TMEM108: variants seen among roughly 807,000 people sequenced by gnomAD.
TMEM108 encodes the protein cancer/testis antigen 124.
Under a neutral mutation model 35.1 loss-of-function variants are expected in TMEM108, and 12 were observed. The observed-to-expected ratio is 0.34, with a 90% confidence interval of 0.22 to 0.55. TMEM108 has a LOEUF of 0.55. TMEM108 is among the 20% of genes least tolerant of loss of function. The pLI, the probability that TMEM108 is intolerant of heterozygous loss-of-function variation, is 0.89. For synonymous variants in TMEM108, 287 were observed against 308.6 expected (o/e 0.93, Z 0.73); for missense variants, 680 against 753.3 (o/e 0.90, Z 1.14).
chr3:133,295,317 GA>G (rs1947129064), intron 3 of TMEM108, among the ~76,000 whole-genome samples: 1 of 152,100 alleles, frequency 6.6e-6, no homozygotes, highest in African/African-American at 2.4e-5. Context: ...GAGAAGTAAG[GA>G]GAGCAAGGAG....
At chr3:133,358,169 CTT>C (rs11339689) in intron 3 of TMEM108, among the ~76,000 whole-genome samples, 1,675 of 143,004 alleles carry the variant, frequency 0.012, 24 homozygotes, top group African/African-American at 0.034. Flanking sequence ...AGTCTATGGT[CTT>C]TTTTTTTTTT....
chr3:133,177,173 A>C (rs1267262592), intron 2 of TMEM108, among the ~76,000 whole-genome samples: 1 of 152,254 alleles, frequency 6.6e-6, no homozygotes, highest in Admixed American at 6.5e-5. Context: ...GGCAATAATA[A>C]ATAGCTTACC....
At chr3:133,344,885 AG>A (rs1275707143) in intron 3 of TMEM108, among the ~76,000 whole-genome samples, 1 of 151,926 alleles carries the variant, frequency 6.6e-6, no homozygotes, top group African/African-American at 2.4e-5. Flanking sequence ...AAAATTATAT[AG>A]GAAGTCAGAA....
At chr3:133,134,874 C>T (rs888842720) in intron 2 of TMEM108, among the ~76,000 whole-genome samples, 1 of 152,026 alleles carries the variant, frequency 6.6e-6, no homozygotes, top group Non-Finnish European at 1.5e-5. Flanking sequence ...AGTCTTTCTT[C>T]CTCACTCCAA....
At chr3:133,173,665 A>T (rs533140754) in intron 2 of TMEM108, among the ~76,000 whole-genome samples, 1 of 152,326 alleles carries the variant, frequency 6.6e-6, no homozygotes, top group Admixed American at 6.5e-5. Flanking sequence ...AAAGTTAATG[A>T]CCATATAGCT....
chr3:133,094,239 C>CAA (rs775145605), intron 2 of TMEM108, among the ~76,000 whole-genome samples: 24 of 127,836 alleles, frequency 1.9e-4, no homozygotes, highest in Admixed American at 4.1e-4. Flanking sequence ...CCCCACCCCC[C>CAA]CCACACACAC....
At chr3:133,181,008 TAAAAAAAAAA>T (rs369228472) in intron 2 of TMEM108, among the ~76,000 whole-genome samples, 7,267 of 75,942 alleles carry the variant, frequency 0.096, 434 homozygotes, top group Non-Finnish European at 0.13. Context: ...GCAGTTGTGT[TAAAAAAAAAA>T]AAAAAAAAAA....
rs1046769839 is a variant in TMEM108, at chr3:133,396,640, C to T, written c.*654C>T. The T allele has an allele frequency of 6.6e-5, 10 of 152,208 alleles. No individual in the cohort carries two copies. The highest frequency in any genetic ancestry group is 2.2e-4 in the African/African-American group (9 of 41,430). The allele number at this position is 152,208 out of a possible 1,614,324, so 9.4% of individuals were successfully genotyped here. The stretch of plus-strand genomic sequence containing the variant: ...GCATCCCAAGGCCATATTCCCCTAA[C>T]ATTACTTCCACTGCTAACAACAGGA... On this transcript the variant is annotated 3_prime_UTR_variant, in exon 6 of 6. Coordinates refer to ENST00000321871, the MANE Select transcript of TMEM108 (RefSeq NM_023943.4).
At chr3:133,314,794 T>G (rs1019337396) in intron 3 of TMEM108, among the ~76,000 whole-genome samples, 1 of 152,202 alleles carries the variant, frequency 6.6e-6, no homozygotes, top group African/African-American at 2.4e-5. Flanking sequence ...AATGGCCTAG[T>G]CCTTAGAAAT....
At chr3:133,305,585 G>T (rs1204071500) in intron 3 of TMEM108, among the ~76,000 whole-genome samples, 1 of 152,100 alleles carries the variant, frequency 6.6e-6, no homozygotes, top group African/African-American at 2.4e-5. Context: ...GGGTGTACAT[G>T]TTTTCACTTC....
At chr3:133,219,206 T>C (rs1945952585) in intron 2 of TMEM108, among the ~76,000 whole-genome samples, 1 of 152,146 alleles carries the variant, frequency 6.6e-6, no homozygotes, top group African/African-American at 2.4e-5. Flanking sequence ...ATCCTTTGTA[T>C]TTCTGTAGTA....
At chr3:133,132,344 G>A (rs1944502231) in intron 2 of TMEM108, among the ~76,000 whole-genome samples, 1 of 152,174 alleles carries the variant, frequency 6.6e-6, no homozygotes, top group Non-Finnish European at 1.5e-5. Context: ...TAATGCAGCT[G>A]ATGACTTTAA....
At chr3:133,198,169 G>T (rs941370818) in intron 2 of TMEM108, among the ~76,000 whole-genome samples, 5 of 152,142 alleles carry the variant, frequency 3.3e-5, no homozygotes, top group Admixed American at 1.3e-4. Context: ...TATTTATGAA[G>T]AATTTTCGTA....
At chr3:133,237,089 G>A (rs1202167586) in intron 3 of TMEM108, among the ~76,000 whole-genome samples, 3 of 152,120 alleles carry the variant, frequency 2.0e-5, no homozygotes, top group East Asian at 3.9e-4. Context: ...TAGGGTCTGC[G>A]CATTTGTCTG....
At chr3:133,170,305 A>G (rs1415198944) in intron 2 of TMEM108, among the ~76,000 whole-genome samples, 1 of 152,234 alleles carries the variant, frequency 6.6e-6, no homozygotes, top group Non-Finnish European at 1.5e-5. Flanking sequence ...CAGAAAAGAC[A>G]ATGGAGGCCA....
intron 2 of TMEM108, chr3:133,074,442 C>T (rs146107723): frequency 9.9e-5 from 15 of 152,282 alleles, no homozygotes; most frequent in African/African-American, 3.6e-4. Context: ...GTGTTCAGAA[C>T]ACTTACAGTA....
At chr3:133,228,294 A>T (rs1297314052) in intron 2 of TMEM108, among the ~76,000 whole-genome samples, 1 of 152,242 alleles carries the variant, frequency 6.6e-6, no homozygotes, top group African/African-American at 2.4e-5. Flanking sequence ...TGTAAATTTT[A>T]AAAATTTTAT....
At chr3:133,196,276 G>C (rs1273390814) in intron 2 of TMEM108, among the ~76,000 whole-genome samples, 1 of 152,066 alleles carries the variant, frequency 6.6e-6, no homozygotes, top group East Asian at 1.9e-4. Context: ...TTTTTGAGTA[G>C]GAAAAATACC....
intron 3 of TMEM108, among the ~76,000 whole-genome samples, chr3:133,262,175 T>C (rs79759155): frequency 0.014 from 2,169 of 152,340 alleles, 61 homozygotes; most frequent in African/African-American, 0.05. Flanking sequence ...TGTGTTGAAA[T>C]GAGTGAGTGT....
Sources: allele counts gnomAD v4.1 joint callset (sites outside exome capture counted in the v4.1 genomes callset), GRCh38; gene constraint gnomAD v4.1.1; transcripts MANE v1.5; gene names NCBI Gene and HGNC (gene_info 2026-07-23, HGNC 2026-07-21).